Variants in TLE4 observed in about 807,000 individuals in gnomAD.
TLE4 encodes the protein TLE family member 4, transcriptional corepressor.
Under a neutral mutation model 92.8 loss-of-function variants are expected in TLE4, and 8 were observed. The observed-to-expected ratio is 0.09, with a 90% CI of 0.05 to 0.16. The LOEUF is 0.16. Among genes scored for constraint, TLE4 ranks in the 10% least tolerant of loss-of-function variants. The probability of loss-of-function intolerance (pLI) is 1.00; values close to 1 mark genes in which losing one functional copy is unlikely to be tolerated. For missense variants in TLE4, 675 were observed against 997.6 expected (o/e 0.68, Z 4.36); for synonymous variants, 371 against 374.1 (o/e 0.99, Z 0.10).
chr9:79,573,508 G>A (rs1362644864), intron 1 of TLE4, 181 bp from the exon 2 acceptor site: 10 of 842,258 alleles, frequency 1.2e-5, no homozygotes, highest in Non-Finnish European at 1.6e-5. Flanking sequence ...GGACCACCTC[G>A]AAACCAGCCT....
chr9:79,601,335 C>T (rs926149892), intron 4 of TLE4: 4 of 454,532 alleles, frequency 8.8e-6, no homozygotes, highest in African/African-American at 4.0e-5. Flanking sequence ...GATAGATATT[C>T]CTTTATGGTT....
At chr9:79,622,099 G>C (rs1392352010) in intron 5 of TLE4, among the ~76,000 whole-genome samples, 1 of 152,070 alleles carries the variant, frequency 6.6e-6, no homozygotes, top group African/African-American at 2.4e-5. Context: ...TTTTTTGCAT[G>C]TCATGCAAAG....
At chr9:79,578,286 T>C (rs548651182) in intron 4 of TLE4, among the ~76,000 whole-genome samples, 6 of 152,316 alleles carry the variant, frequency 3.9e-5, no homozygotes, top group Non-Finnish European at 7.4e-5. Flanking sequence ...TATTCACTTA[T>C]TAGATTTGTG....
In TLE4 at chr9:79,677,902, G is replaced by A. The variant is rs1290037876; in HGVS notation, c.609+23827G>A. Reference sequence around the variant, plus strand: ...AAACTATGGAACTTTAGAAGGAAGAGTACTGAAAGGTTAGCCTTACCAGGT... The same window carrying A: ...AAACTATGGAACTTTAGAAGGAAGAATACTGAAAGGTTAGCCTTACCAGGT... On this transcript the variant is annotated intron_variant, in intron 8 of 19. Transcript: ENST00000376552. Among the ~76,000 whole-genome samples, 5 of 152,060 alleles carry A rather than the reference G, an allele frequency of 3.3e-5. No homozygotes were observed. The East Asian group carries it at 9.6e-4, about 29-fold the overall frequency.
rs1200523224 is a variant in TLE4 at position 79,708,654 on chromosome 9, G to T, written c.1131G>T (p.Val377=). 6.2e-7 allele frequency: 1 copy of T among 1,614,070 alleles called. No homozygotes were observed. The highest frequency in any genetic ancestry group is 8.5e-7 in the Non-Finnish European group (1 of 1,180,030). The change falls in exon 13 of 20, where the codon GTG becomes GTT. Residue 377 remains valine (V), a synonymous_variant. Transcript: ENST00000376552. ...PCPYPTPFGI[V]PHAGMNGELT... The stretch of plus-strand genomic sequence containing the variant: ...CATATCCAACTCCATTTGGGATTGT[G>T]CCCCATGCTGGAATGAACGGAGAGC...
chr9:79,649,058 G>C (rs1411411026), intron 6 of TLE4, among the ~76,000 whole-genome samples: 1 of 152,146 alleles, frequency 6.6e-6, no homozygotes, highest in East Asian at 1.9e-4. Flanking sequence ...GTCTATGACT[G>C]CAGATACATC....
chr9:79,644,211 C>T (rs543638762), intron 6 of TLE4, among the ~76,000 whole-genome samples: 22 of 152,250 alleles, frequency 1.4e-4, no homozygotes, highest in African/African-American at 5.3e-4. Context: ...CCCCTTCACT[C>T]GGCTCTCATG....
chr9:79,636,495 C>A (rs1383121831), intron 6 of TLE4, among the ~76,000 whole-genome samples: 1 of 152,026 alleles, frequency 6.6e-6, no homozygotes, highest in Non-Finnish European at 1.5e-5. Context: ...TTCTTCTGTC[C>A]CTGGGTCACT....
chr9:79,620,321 C>T (rs2050651263), intron 5 of TLE4, among the ~76,000 whole-genome samples: 1 of 152,200 alleles, frequency 6.6e-6, no homozygotes, highest in South Asian at 2.1e-4. Flanking sequence ...TGCTCAGTAT[C>T]CACTCATATG....
chr9:79,711,950 G>A (rs144417211), intron 14 of TLE4, among the ~76,000 whole-genome samples: 1 of 152,286 alleles, frequency 6.6e-6, no homozygotes, highest in African/African-American at 2.4e-5. Flanking sequence ...TTGGGAGTGT[G>A]ACAGATCCAA....
At chr9:79,576,943 A>ATC (rs2038003991) in intron 4 of TLE4, 1 of 150,556 alleles carries the variant, frequency 6.6e-6, no homozygotes, top group African/African-American at 2.4e-5. Context: ...ATATCTATCT[A>ATC]TATATATATA....
At chr9:79,575,963 G>T in intron 3 of TLE4, 170 bp from the exon 4 acceptor site, 1 of 427,128 alleles carries the variant, frequency 2.3e-6, no homozygotes, top group East Asian at 3.3e-5. Flanking sequence ...TGTGTCTTAA[G>T]GTGGTTAAAG....
At chr9:79,722,679 G>A (rs2136281216) in intron 18 of TLE4, 78 bp downstream of exon 18, 35 of 1,534,920 alleles carry the variant, frequency 2.3e-5, no homozygotes, top group Non-Finnish European at 3.0e-5. Context: ...TTTCCAAGTC[G>A]AATCCTTGAG....
chr9:79,636,812 A>C (rs2055974870), intron 6 of TLE4, among the ~76,000 whole-genome samples: 1 of 152,164 alleles, frequency 6.6e-6, no homozygotes, highest in Admixed American at 6.5e-5. Flanking sequence ...AGCGATAGGT[A>C]TCTCATAATT....
At chr9:79,655,598 A>G (rs1277538299) in intron 8 of TLE4, among the ~76,000 whole-genome samples, 1 of 152,250 alleles carries the variant, frequency 6.6e-6, no homozygotes, top group East Asian at 1.9e-4. Context: ...TTATTTAATT[A>G]TGCATTTGCA....
chr9:79,651,727 A>C (rs1285301687), intron 6 of TLE4, among the ~76,000 whole-genome samples: 1 of 152,192 alleles, frequency 6.6e-6, no homozygotes, highest in Non-Finnish European at 1.5e-5. Context: ...AGGACACTTA[A>C]AGGGCTTAAA....
At chr9:79,674,741 C>T (rs1264295029) in intron 8 of TLE4, among the ~76,000 whole-genome samples, 1 of 152,112 alleles carries the variant, frequency 6.6e-6, no homozygotes, top group African/African-American at 2.4e-5. Flanking sequence ...TTCAAAGTGG[C>T]GGTTCAAGAC....
intron 8 of TLE4, among the ~76,000 whole-genome samples, chr9:79,694,484 A>C (rs1411063196): frequency 6.6e-6 from 1 of 152,154 alleles, no homozygotes; most frequent in East Asian, 1.9e-4. Context: ...TCTTGTTGTC[A>C]TGTGAAAGCT....
intron 9 of TLE4, among the ~76,000 whole-genome samples, chr9:79,705,467 G>T (rs2071274761): frequency 6.6e-6 from 1 of 152,216 alleles, no homozygotes; most frequent in Non-Finnish European, 1.5e-5. Flanking sequence ...GTCCTACAGG[G>T]CCGCAGGCCT....
Sources: gnomAD v4.1 joint callset for allele counts (sites outside exome capture counted in the v4.1 genomes callset) on GRCh38, gnomAD v4.1.1 for gene constraint, MANE v1.5 for transcripts, NCBI Gene and HGNC (gene_info 2026-07-23, HGNC 2026-07-21) for gene names.